The following SH3GL1 variants were observed in gnomAD, a reference collection of about 807,000 sequenced individuals.
The protein encoded by SH3GL1 is SH3 domain containing GRB2 like 1, endophilin A2.
A neutral mutation model predicts 48.8 loss-of-function variants in SH3GL1; 21 were observed. That is an observed-to-expected ratio of 0.43 (90% CI 0.30 to 0.62). The LOEUF is 0.62. Ranked by LOEUF, SH3GL1 falls within the 20% of genes least tolerant of loss-of-function variation. The probability of loss-of-function intolerance (pLI) is 0.11; values close to 1 mark genes in which losing one functional copy is unlikely to be tolerated. For synonymous variants in SH3GL1, 282 were observed against 217.5 expected (o/e 1.30, Z -2.61); for missense variants, 454 against 503.0 (o/e 0.90, Z 0.93).
chr19:4,390,858 C>G (rs1398295855), intron 1 of SH3GL1, among the ~76,000 whole-genome samples: 1 of 152,092 alleles, frequency 6.6e-6, no homozygotes, highest in Non-Finnish European at 1.5e-5. Flanking sequence ...CTAAGCTCTG[C>G]CCCGGGCAGC....
intron 1 of SH3GL1, among the ~76,000 whole-genome samples, chr19:4,386,098 A>G (rs1296621751): frequency 6.6e-6 from 1 of 152,206 alleles, no homozygotes; most frequent in Non-Finnish European, 1.5e-5. Context: ...GGAAATTCCA[A>G]CCAGGTCCCT....
chr19:4,362,214 C>G (rs546102494), intron 9 of SH3GL1, 115 bp downstream of exon 9: 2 of 1,094,472 alleles, frequency 1.8e-6, no homozygotes, highest in South Asian at 1.3e-5. Flanking sequence ...TACTGCTGCA[C>G]GAGCCTGGCC....
At chr19:4,384,484 C>T (rs1973198662) in intron 1 of SH3GL1, among the ~76,000 whole-genome samples, 1 of 152,158 alleles carries the variant, frequency 6.6e-6, no homozygotes, top group Non-Finnish European at 1.5e-5. Context: ...ACCTATGTGG[C>T]TATTTTTCTT....
chr19:4,391,873 C>T lies in SH3GL1; in HGVS notation c.45+8451G>A, dbSNP rs567772596. On this transcript the variant is annotated intron_variant, in intron 1 of 9. Coordinates refer to ENST00000269886, the MANE Select transcript of SH3GL1 (RefSeq NM_003025.4). ...TGGGGTGGCCCAGGGTCCACGCCGC[C>T]GGCTCCAATGCCGGCTCCAATGCCT... Among the ~76,000 whole-genome samples, 17 of 152,294 alleles carry T rather than the reference C, an allele frequency of 1.1e-4. No homozygotes were observed. In the East Asian group the frequency reaches 2.5e-3, roughly 22 times the overall value.
At chr19:4,392,503 C>T (rs896955419) in intron 1 of SH3GL1, among the ~76,000 whole-genome samples, 7 of 145,808 alleles carry the variant, frequency 4.8e-5, no homozygotes, top group African/African-American at 1.8e-4. Context: ...CAGCCTGGGA[C>T]AGAGCAAGAC....
chr19:4,363,362 G>C lies in SH3GL1; in HGVS notation c.728+8C>G. 6.3e-7 allele frequency: 1 copy of C among 1,589,440 alleles called. No homozygotes were observed. Among genetic ancestry groups the C allele is most frequent in the Non-Finnish European group, 8.6e-7 (1 of 1,168,312 alleles). On this transcript the variant is annotated splice_region_variant and intron_variant, in intron 7 of 9. Coordinates refer to ENST00000269886, the MANE Select transcript of SH3GL1 (RefSeq NM_003025.4). ...CAGACTCTGGAGAGACCAAGGCCCT[G>C]GGCTCACCTGCGCTTGAGCTTCTCC... is the stretch of plus-strand genomic sequence containing the variant.
In SH3GL1 at chr19:4,400,354, C is replaced by G; in HGVS notation, c.15G>C (p.Gly5=). Reference sequence around the variant, plus strand: ...TCGCCTTGTAGAACTGCTTCTTCAGCCCCGCCACCGACATGCTGCCGCCCG... The same window carrying G: ...TCGCCTTGTAGAACTGCTTCTTCAGGCCCGCCACCGACATGCTGCCGCCCG... MSVA[G]LKKQFYKASQ... Residue 5 remains glycine (G), a synonymous_variant, in exon 1 of 10, where the codon GGG becomes GGC. Transcript: ENST00000269886. The surrounding 1 kb of genome is among the most constrained non-coding windows in gnomAD (Gnocchi z 4.1). The G allele has an allele frequency of 6.3e-7, 1 of 1,592,304 alleles. No homozygotes were observed.
Position 4,360,474 on chromosome 19 carries a change from G to T in SH3GL1, c.*1126C>A. The T allele has an allele frequency of 4.3e-6, 1 of 234,418 alleles. No individual in the cohort carries two copies. The highest frequency in any genetic ancestry group is 5.6e-5 in the Admixed American group (1 of 17,938). 14.5% of individuals were successfully genotyped at this position (234,418 alleles called of 1,614,324 possible). A position where few individuals can be genotyped will look rare whatever the true frequency, so the allele number is the denominator to read the frequency against. ...GTGTGCTCATCTCTGCGCCCCTCATGTACTTCTGACGAGGGGGGTGCAGGG... is the reference window on the plus strand; with the variant it reads ...GTGTGCTCATCTCTGCGCCCCTCATTTACTTCTGACGAGGGGGGTGCAGGG... On this transcript the variant is annotated 3_prime_UTR_variant, in exon 10 of 10. Coordinates refer to ENST00000269886, the MANE Select transcript of SH3GL1 (RefSeq NM_003025.4).
chr19:4,373,695 G>A (rs1274356263), intron 1 of SH3GL1, among the ~76,000 whole-genome samples: 1 of 152,162 alleles, frequency 6.6e-6, no homozygotes, highest in East Asian at 1.9e-4. Context: ...GGCCTGGGCT[G>A]GCAACCGAGA....
At chr19:4,363,907 C>A (rs759329843) in intron 5 of SH3GL1, 29 bp from the exon 6 acceptor site, 4 of 1,611,470 alleles carry the variant, frequency 2.5e-6, no homozygotes, top group Non-Finnish European at 2.5e-6. Context: ...TGGGTCACAC[C>A]AGTAGCGGCC....
At chr19:4,379,172 C>T (rs190210993) in intron 1 of SH3GL1, among the ~76,000 whole-genome samples, 1 of 152,144 alleles carries the variant, frequency 6.6e-6, no homozygotes, top group Non-Finnish European at 1.5e-5. Flanking sequence ...AAGCAAAGGA[C>T]TGCCAGGCTT....
At chr19:4,383,625 C>G (rs1009608060) in intron 1 of SH3GL1, among the ~76,000 whole-genome samples, 2 of 152,196 alleles carry the variant, frequency 1.3e-5, no homozygotes, top group African/African-American at 4.8e-5. Flanking sequence ...GAGAACTGCT[C>G]TCACACATGG....
At chr19:4,390,089 C>G (rs1442288181) in intron 1 of SH3GL1, 1 of 152,532 alleles carries the variant, frequency 6.6e-6, no homozygotes, top group East Asian at 1.9e-4. Context: ...CGGGAGCCCC[C>G]TCCCAGGCGG....
intron 1 of SH3GL1, among the ~76,000 whole-genome samples, chr19:4,393,825 A>T (rs1470041744): frequency 5.9e-5 from 9 of 151,402 alleles, no homozygotes; most frequent in Admixed American, 2.0e-4. Flanking sequence ...ATTTAAAAAT[A>T]AATAAAAATA....
At chr19:4,369,227 C>T (rs1429985265) in intron 1 of SH3GL1, among the ~76,000 whole-genome samples, 1 of 152,220 alleles carries the variant, frequency 6.6e-6, no homozygotes, top group Non-Finnish European at 1.5e-5. Flanking sequence ...AGGAGCCCCC[C>T]CTCCCTAGGT....
chr19:4,393,927 G>T (rs1159952517), intron 1 of SH3GL1, among the ~76,000 whole-genome samples: 2 of 151,718 alleles, frequency 1.3e-5, no homozygotes, highest in Non-Finnish European at 2.9e-5. Context: ...CCCCAAATAG[G>T]TGGGGCCCAG....
intron 1 of SH3GL1, among the ~76,000 whole-genome samples, chr19:4,381,417 CCTCT>C (rs746899922): frequency 1.0e-4 from 12 of 120,220 alleles, no homozygotes; most frequent in Non-Finnish European, 1.3e-4. Flanking sequence ...CTCTGTCTCC[CCTCT>C]CTCTGTCCCC....
At chr19:4,395,981 G>A (rs1973418556) in intron 1 of SH3GL1, 1 of 151,918 alleles carries the variant, frequency 6.6e-6, no homozygotes, top group African/African-American at 2.4e-5. Context: ...CACATAAAAT[G>A]TTTATGGTGG....
intron 1 of SH3GL1, among the ~76,000 whole-genome samples, chr19:4,392,979 C>T (rs949887302): frequency 6.6e-6 from 1 of 152,104 alleles, no homozygotes; most frequent in African/African-American, 2.4e-5. Flanking sequence ...CATAACAACC[C>T]GGGCGTGGTA....
Sources: gnomAD v4.1 joint callset for allele counts (sites outside exome capture counted in the v4.1 genomes callset) on GRCh38, gnomAD v4.1.1 for gene constraint, Gnocchi (gnomAD v3.1) non-coding constraint, MANE v1.5 for transcripts, NCBI Gene and HGNC (gene_info 2026-07-23, HGNC 2026-07-21) for gene names.